DICER1: variants seen among roughly 807,000 people sequenced by gnomAD.
DICER1 encodes the protein endoribonuclease Dicer.
DICER1 carries 43 observed loss-of-function variants against 194.1 expected under a neutral mutation model. The observed-to-expected ratio is 0.22, with a 90% CI of 0.17 to 0.29. DICER1 has a LOEUF of 0.29. DICER1 is among the 10% of genes least tolerant of loss of function. The probability of loss-of-function intolerance (pLI) is 1.00; values close to 1 mark genes in which losing one functional copy is unlikely to be tolerated. For synonymous variants in DICER1, 832 were observed against 820.5 expected (o/e 1.01, Z -0.24); for missense variants, 1,608 against 2,317.0 (o/e 0.69, Z 6.28).
Position 95,105,946 on chromosome 14 carries a change from G to A in DICER1, c.2987+95C>T, listed in dbSNP as rs1891381094. ...CATCTCCTGATTTCAGATAGTCCACGGGTGGGCAGGGGGACAGTGAACCTC... is the reference window on the plus strand; with the variant it reads ...CATCTCCTGATTTCAGATAGTCCACAGGTGGGCAGGGGGACAGTGAACCTC... On this transcript the variant is annotated intron_variant, in intron 18 of 26. Transcript: ENST00000343455. This position sits in a 1 kb window ranked among gnomAD's most constrained non-coding sequence, Gnocchi z 4.9. 15 of 1,454,384 alleles carry A rather than the reference G, an allele frequency of 1.0e-5. No individual in the cohort carries two copies. Among genetic ancestry groups the A allele is most frequent in the South Asian group, 6.9e-5 (6 of 87,160 alleles). The allele number at this position is 1,454,384 out of a possible 1,614,324, so 90.1% of individuals were successfully genotyped here.
chr14:95,130,289 G>T (rs1360782163), intron 4 of DICER1, 97 bp from the exon 5 acceptor site: 2 of 1,210,934 alleles, frequency 1.7e-6, no homozygotes, highest in Non-Finnish European at 2.4e-6. Flanking sequence ...CATAAGTGAG[G>T]ATTAAGGAAT....
At chr14:95,108,961 A>G (rs1891708614) in intron 14 of DICER1, among the ~76,000 whole-genome samples, 1 of 152,222 alleles carries the variant, frequency 6.6e-6, no homozygotes, top group Non-Finnish European at 1.5e-5. Context: ...ATTTTGATAC[A>G]CTGTATAATT....
intron 1 of DICER1, among the ~76,000 whole-genome samples, chr14:95,135,556 G>C (rs1170579803): frequency 6.6e-6 from 1 of 152,100 alleles, no homozygotes; most frequent in African/African-American, 2.4e-5. Flanking sequence ...TTTTAAAGCT[G>C]GGGAGGGTAT....
intron 17 of DICER1, among the ~76,000 whole-genome samples, chr14:95,107,251 G>GA (rs1388292756): frequency 6.8e-6 from 1 of 146,500 alleles, no homozygotes; most frequent in Non-Finnish European, 1.5e-5. Flanking sequence ...GTGAATAAGT[G>GA]AATTTTTTTT....
rs376976720 is a variant in DICER1 at position 95,112,755 on chromosome 14, C to G, written c.2040+337G>C. Among the ~76,000 whole-genome samples the G allele has an allele frequency of 9.8e-5, 15 of 152,304 alleles. No individual in the cohort carries two copies. In the East Asian group the frequency reaches 2.5e-3, roughly 25 times the overall value. On this transcript the variant is annotated intron_variant, in intron 12 of 26. Transcript: ENST00000343455. The stretch of plus-strand genomic sequence containing the variant: ...ATAAGTTTTATATTACTCTAAGTGT[C>G]TAAGCCACAGTTGAATGATTCTGTC...
At chr14:95,101,705 G>C (rs73329770) in intron 21 of DICER1, among the ~76,000 whole-genome samples, 5,058 of 152,184 alleles carry the variant, frequency 0.033, 307 homozygotes, top group African/African-American at 0.12. Flanking sequence ...GGAGGCCTTG[G>C]ACACACTCCT....
intron 24 of DICER1, 155 bp from the exon 25 acceptor site, chr14:95,091,520 A>G (rs1889841052): frequency 1.4e-6 from 1 of 690,648 alleles, no homozygotes; most frequent in Non-Finnish European, 2.4e-6. Context: ...GTAATAGTAA[A>G]ACAAATGTTA....
At chr14:95,100,788 C>T (rs1435878672) in intron 21 of DICER1, among the ~76,000 whole-genome samples, 6 of 152,014 alleles carry the variant, frequency 3.9e-5, no homozygotes, top group Non-Finnish European at 7.4e-5. Context: ...TAATAGACAC[C>T]CCCCATATGA....
chr14:95,086,532 G>A lies in DICER1; in HGVS notation c.*3966C>T, dbSNP rs532947960. On this transcript the variant is annotated 3_prime_UTR_variant, in exon 27 of 27. Coordinates refer to ENST00000343455, the MANE Select transcript of DICER1 (RefSeq NM_177438.3). ...CATTTTTGCTATGTAACCTGCTGCT[G>A]CAGTGAATTCTTAGTGCATCTATAA... is the stretch of plus-strand genomic sequence containing the variant. The A allele has an allele frequency of 4.3e-6, 1 of 233,196 alleles. No homozygotes were observed. The highest frequency in any genetic ancestry group is 5.6e-5 in the Admixed American group (1 of 17,774). 14.4% of individuals were successfully genotyped at this position (233,196 alleles called of 1,614,324 possible).
intron 4 of DICER1, 93 bp downstream of exon 4, chr14:95,131,416 C>G (rs1893937620): frequency 7.9e-7 from 1 of 1,271,362 alleles, no homozygotes; most frequent in East Asian, 2.3e-5. Flanking sequence ...AGTTTTCAAA[C>G]CTAAATCAGA....
At chr14:95,133,556 A>G in intron 1 of DICER1, 53 bp from the exon 2 acceptor site, 1 of 1,270,470 alleles carries the variant, frequency 7.9e-7, no homozygotes, top group Non-Finnish European at 1.1e-6. Context: ...TTAAAAACAA[A>G]GAAAGCACAG....
At chr14:95,091,152 G>A (rs1266251929) in intron 25 of DICER1, 43 bp from the exon 26 acceptor site, 5 of 1,613,832 alleles carry the variant, frequency 3.1e-6, no homozygotes, top group Non-Finnish European at 1.7e-6. Context: ...TATCTCTGAA[G>A]TTGTTTTTAA....
intron 6 of DICER1, 121 bp downstream of exon 6, chr14:95,129,351 C>G: frequency 2.2e-6 from 2 of 902,942 alleles, no homozygotes; most frequent in Non-Finnish European, 3.6e-6. Flanking sequence ...CTTGCCCATT[C>G]CTTTTTACTG....
chr14:95,109,411 T>C (rs1891752794), intron 14 of DICER1, among the ~76,000 whole-genome samples: 1 of 152,222 alleles, frequency 6.6e-6, no homozygotes, highest in African/African-American at 2.4e-5. Context: ...GCTTTTCTTT[T>C]TTTGTAGAGA....
intron 21 of DICER1, among the ~76,000 whole-genome samples, chr14:95,101,872 C>T (rs1051723626): frequency 6.6e-6 from 1 of 152,122 alleles, no homozygotes; most frequent in African/African-American, 2.4e-5. Context: ...TGGTGTGCTG[C>T]CTGGTGTGAT....
At chr14:95,099,731 TACACACACACACACACACAC>T (rs71838494) in intron 22 of DICER1, 29 bp downstream of exon 22, 3 of 1,073,456 alleles carry the variant, frequency 2.8e-6, no homozygotes, top group Non-Finnish European at 3.4e-6. Flanking sequence ...TCCCTCCAGT[TACACACACACACACACACAC>T]ACACACACAC....
intron 14 of DICER1, among the ~76,000 whole-genome samples, chr14:95,109,136 G>C (rs568096347): frequency 6.6e-6 from 1 of 152,114 alleles, no homozygotes; most frequent in African/African-American, 2.4e-5. Flanking sequence ...ATATCTGTCC[G>C]AGTCAATATG....
In DICER1 at chr14:95,106,082, A is replaced by G; in HGVS notation, c.2946T>C (p.Asn982=). 1 of 1,614,166 alleles carries G rather than the reference A, an allele frequency of 6.2e-7. No homozygotes were observed. Among genetic ancestry groups the G allele is most frequent in the Non-Finnish European group, 8.5e-7 (1 of 1,180,020 alleles). Residue 982 remains asparagine (N), a synonymous_variant, in exon 18 of 27, where the codon AAT becomes AAC. Coordinates refer to ENST00000343455, the MANE Select transcript of DICER1 (RefSeq NM_177438.3). ...CCACATCCAGCAGTGGCTGGTTGAG[A>G]TTGGTTAGGTCAAGGTTGTACTTTG... ...YKTKYNLDLT[N]LNQPLLDVDH...
rs1465088683 is a variant in DICER1 at position 95,129,508 on chromosome 14, T to C, written c.698A>G (p.Asn233Ser). The change falls in exon 6 of 27, where the codon AAT (asparagine) becomes AGT (serine). Residue 233 changes from asparagine to serine, a missense_variant. Physicochemically the swap from Asn to Ser is conservative, Grantham distance 46. Around this residue, in one of 10 missense-constraint regions of DICER1, gnomAD observed 657 missense variants for 910.1 expected, o/e 0.72. Coordinates refer to ENST00000343455, the MANE Select transcript of DICER1 (RefSeq NM_177438.3). The stretch of plus-strand genomic sequence containing the variant: ...CACCAGGTCAGTTGCAGTTTCAGCA[T>C]TACTCTTAAGAATTTTCTCTAGTTT... ...IQKLEKILKSNAETATDLVVL... is the reference protein window; with the variant it reads ...IQKLEKILKSSAETATDLVVL... 10 of 1,613,972 alleles carry C rather than the reference T, an allele frequency of 6.2e-6. No individual in the cohort carries two copies. Among genetic ancestry groups the C allele is most frequent in the Non-Finnish European group, 8.5e-6 (10 of 1,179,904 alleles).
Sources: gnomAD v4.1 joint callset for allele counts (sites outside exome capture counted in the v4.1 genomes callset) on GRCh38, gnomAD v4.1.1 for gene constraint, gnomAD v4.1.1 regional missense constraint, Gnocchi (gnomAD v3.1) non-coding constraint, MANE v1.5 for transcripts, NCBI Gene and HGNC (gene_info 2026-07-23, HGNC 2026-07-21) for gene names.